SOX18: variants seen among roughly 807,000 people sequenced by gnomAD.
The protein encoded by SOX18 is transcription factor SOX-18.
In SOX18, 2 loss-of-function variants were observed where a neutral mutation model predicts 9.1. That is an observed-to-expected ratio of 0.22 (90% CI 0.09 to 0.69). The LOEUF is 0.69. Among genes scored for constraint, SOX18 ranks in the 30% least tolerant of loss-of-function variants. SOX18 has a pLI of 0.80. For missense variants in SOX18, 542 were observed against 567.3 expected (o/e 0.96, Z 0.45); for synonymous variants, 292 against 280.5 (o/e 1.04, Z -0.41).
In SOX18 at chr20:64,049,346, ACTGCGCTGCGGG is replaced by A. The variant is rs1039501107; in HGVS notation, c.159_170del (p.Gln55_Pro58del). On this transcript the variant is annotated inframe_deletion, in exon 1 of 2. Coordinates refer to ENST00000340356, the MANE Select transcript of SOX18 (RefSeq NM_018419.3). ...GCCCCGGCTCGGGGCTGCGCGGGGG[ACTGCGCTGCGGG>A]CTGGGCGGCGAGGCGGGCGCGGCGG... 5.1e-6 allele frequency: 6 copies of A among 1,184,658 alleles called. No individual in the cohort carries two copies. Among genetic ancestry groups the A allele is most frequent in the Non-Finnish European group, 6.3e-6 (6 of 948,318 alleles). The allele number at this position is 1,184,658 out of a possible 1,614,324, so 73.4% of individuals were successfully genotyped here.
Position 64,048,292 on chromosome 20 carries a change from G to A in SOX18, c.1029C>T (p.Leu343=), listed in dbSNP as rs1478986073. 1 of 1,596,582 alleles carries A rather than the reference G, an allele frequency of 6.3e-7. No homozygotes were observed. The highest frequency in any genetic ancestry group is 8.5e-7 in the Non-Finnish European group (1 of 1,172,726). Residue 343 remains leucine, a synonymous_variant, in exon 2 of 2, where the codon CTC becomes CTT. Transcript: ENST00000340356. ...CSRTRPDAPG[L]PYHVALAKLG... ...GTTTGGCCAGTGCCACGTGGTACGG[G>A]AGCCCGGGGGCGTCGGGCCGAGTCC... is the stretch of plus-strand genomic sequence containing the variant.
In SOX18 at chr20:64,048,318, G is replaced by A. The variant is rs1185671333; in HGVS notation, c.1003C>T (p.Arg335Trp). 1.9e-6 allele frequency: 3 copies of A among 1,592,022 alleles called. No individual in the cohort carries two copies. The Admixed American group carries it at 5.2e-5, about 28-fold the overall frequency. Residue 335 changes from arginine (R) to tryptophan (W), a missense_variant, in exon 2 of 2, where the codon CGG becomes TGG. Arg to Trp is a moderately radical substitution (Grantham distance 101). Transcript: ENST00000340356. ...AGCCCGGGGGCGTCGGGCCGAGTCC[G>A]GCTGCAGTTGAGGTACTGGTCGAAC... ...TEFDQYLNCS[R>W]TRPDAPGLPY... is the part of the protein sequence containing the mutation.
Position 64,048,640 on chromosome 20 carries a change from C to T in SOX18, c.681G>A (p.Glu227=). The change falls in exon 2 of 2, where the codon GAG becomes GAA. Residue 227 remains glutamate (E), a synonymous_variant. Coordinates refer to ENST00000340356, the MANE Select transcript of SOX18 (RefSeq NM_018419.3). The part of the protein sequence containing the change: ...RSPLDGLEPG[E]AAFFPPPAAP... The stretch of plus-strand genomic sequence containing the variant: ...CCGCGGGCGGTGGGAAGAAGGCAGC[C>T]TCGCCGGGCTCCAGGCCGTCCAGAG... 1 of 1,264,928 alleles carries T rather than the reference C, an allele frequency of 7.9e-7. No individual in the cohort carries two copies. The highest frequency in any genetic ancestry group is 9.9e-7 in the Non-Finnish European group (1 of 1,009,248). 78.4% of individuals were successfully genotyped at this position (1,264,928 alleles called of 1,614,324 possible).
Position 64,048,440 on chromosome 20 carries a change from G to A in SOX18, c.881C>T (p.Pro294Leu). ...CTCGGGCGGCGGCGACAGCGGGCCG[G>A]GGTACGGGCCGGGCGTGCCCAGGGT... Reference protein sequence around the residue: ...YGTLGTPGPYPGPLSPPPEAP... With the variant: ...YGTLGTPGPYLGPLSPPPEAP... Residue 294 changes from proline (P) to leucine (L), a missense_variant, in exon 2 of 2, where the codon CCC becomes CTC. Physicochemically the swap from Pro to Leu is moderately conservative, Grantham distance 98. Transcript: ENST00000340356. 3 of 1,389,188 alleles carry A rather than the reference G, an allele frequency of 2.2e-6. No individual in the cohort carries two copies. The highest frequency in any genetic ancestry group is 3.3e-5 in the South Asian group (2 of 60,490). 86.1% of individuals were successfully genotyped at this position (1,389,188 alleles called of 1,614,324 possible). A position where few individuals can be genotyped will look rare whatever the true frequency, so the allele number is the denominator to read the frequency against.
Position 64,048,240 on chromosome 20 carries a change from C to T in SOX18, c.1081G>A (p.Glu361Lys), listed in dbSNP as rs532557642. Residue 361 changes from glutamate to lysine, a missense_variant, in exon 2 of 2, where the codon GAG becomes AAG. Transcript: ENST00000340356. Reference protein sequence around the residue: ...KLGPRAMSCPEESSLISALSD... With the variant: ...KLGPRAMSCPKESSLISALSD... The stretch of plus-strand genomic sequence containing the variant: ...AGCGCGGAGATCAGGCTGCTCTCCT[C>T]TGGGCAGGACATGGCGCGCGGGCCC... 13 of 1,591,556 alleles carry T rather than the reference C, an allele frequency of 8.2e-6. No homozygotes were observed. Among genetic ancestry groups the T allele is most frequent in the African/African-American group, 1.3e-5 (1 of 74,704 alleles).
Position 64,048,572 on chromosome 20 carries a change from G to T in SOX18, c.749C>A (p.Ala250Glu). The change falls in exon 2 of 2, where the codon GCG becomes GAG. Residue 250 changes from alanine (A) to glutamate (E), a missense_variant. Coordinates refer to ENST00000340356, the MANE Select transcript of SOX18 (RefSeq NM_018419.3). The part of the protein sequence containing the change: ...CALRPFRAPY[A>E]PTELSRDPGG... ...GGGGTCCCGCGACAACTCGGTGGGC[G>T]CGTAGGGCGCGCGGAAGGGCCGCAG... 8.1e-7 allele frequency: 1 copy of T among 1,228,412 alleles called. No homozygotes were observed. Among genetic ancestry groups the T allele is most frequent in the Non-Finnish European group, 1.0e-6 (1 of 987,456 alleles). 76.1% of individuals were successfully genotyped at this position (1,228,412 alleles called of 1,614,324 possible).
At chr20:64,049,136 T>C (rs1342074995) in intron 1 of SOX18, 23 bp downstream of exon 1, 1 of 1,135,174 alleles carries the variant, frequency 8.8e-7, no homozygotes, top group Non-Finnish European at 1.1e-6. Flanking sequence ...CTCCCCCTTC[T>C]CTGCCGCCCT....
Position 64,049,118 on chromosome 20 carries a change from C to T in SOX18, c.358+41G>A, listed in dbSNP as rs771603295. ...CCGCCCCACCCCGGCCCGAGCCCCC[C>T]CCGCCCTCTCCCCCTTCTCTGCCGC... On this transcript the variant is annotated intron_variant, in intron 1 of 1. Transcript: ENST00000340356. The T allele has an allele frequency of 9.5e-5, 110 of 1,159,042 alleles. 1 individual carries two copies. The highest frequency in any genetic ancestry group is 2.9e-5 in the Admixed American group (1 of 34,242). The allele number at this position is 1,159,042 out of a possible 1,614,324, so 71.8% of individuals were successfully genotyped here.
At position 64,049,321 on chromosome 20, in the gene SOX18, G is replaced by T. The variant is rs757040201; in HGVS notation, c.196C>A (p.Arg66Ser). The change falls in exon 1 of 2, where the codon CGC becomes AGC. Residue 66 changes from arginine (R) to serine (S), a missense_variant. Transcript: ENST00000340356. ...CGGCCGGCCGGGCTGAGGCCATAGC[G>T]CCCCGGCTCGGGGCTGCGCGGGGGA... ...RSPPRSPEPG[R>S]YGLSPAGRGE... 3.5e-6 allele frequency: 5 copies of T among 1,436,190 alleles called. No individual in the cohort carries two copies. Among genetic ancestry groups the T allele is most frequent in the Non-Finnish European group, 4.6e-6 (5 of 1,081,232 alleles). The allele number at this position is 1,436,190 out of a possible 1,614,324, so 89.0% of individuals were successfully genotyped here. A position where few individuals can be genotyped will look rare whatever the true frequency, so the allele number is the denominator to read the frequency against.
At position 64,048,238 on chromosome 20, in the gene SOX18, C is replaced by T. The variant is rs369743215; in HGVS notation, c.1083G>A (p.Glu361=). 37 of 1,591,308 alleles carry T rather than the reference C, an allele frequency of 2.3e-5. No individual in the cohort carries two copies. The East Asian group carries it at 3.6e-4, about 16-fold the overall frequency. The part of the protein sequence containing the change: ...KLGPRAMSCP[E]ESSLISALSD... ...ACAGCGCGGAGATCAGGCTGCTCTC[C>T]TCTGGGCAGGACATGGCGCGCGGGC... Residue 361 remains glutamate (E), a synonymous_variant, in exon 2 of 2, where the codon GAG becomes GAA. Coordinates refer to ENST00000340356, the MANE Select transcript of SOX18 (RefSeq NM_018419.3).
Position 64,048,148 on chromosome 20 carries a change from C to T in SOX18, c.*18G>A. 1 of 1,536,484 alleles carries T rather than the reference C, an allele frequency of 6.5e-7. No individual in the cohort carries two copies. The highest frequency in any genetic ancestry group is 8.7e-7 in the Non-Finnish European group (1 of 1,146,332). On this transcript the variant is annotated 3_prime_UTR_variant, in exon 2 of 2. Transcript: ENST00000340356. ...CTGCGGGAGGAAGCGCTGCAGGGACCCGGGCGGCGCCGGCGGCCTAGCCGG... is the reference window on the plus strand; with the variant it reads ...CTGCGGGAGGAAGCGCTGCAGGGACTCGGGCGGCGCCGGCGGCCTAGCCGG...
Position 64,048,738 on chromosome 20 carries a change from G to T in SOX18, c.583C>A (p.Arg195Ser). 1 of 1,415,418 alleles carries T rather than the reference G, an allele frequency of 7.1e-7. No individual in the cohort carries two copies. The highest frequency in any genetic ancestry group is 1.5e-5 in the South Asian group (1 of 67,554). 87.7% of individuals were successfully genotyped at this position (1,415,418 alleles called of 1,614,324 possible). A position where few individuals can be genotyped will look rare whatever the true frequency, so the allele number is the denominator to read the frequency against. The change falls in exon 2 of 2, where the codon CGC (arginine) becomes AGC (serine). Residue 195 changes from arginine (R) to serine (S), a missense_variant. Arg to Ser is a moderately radical substitution (Grantham distance 110). Coordinates refer to ENST00000340356, the MANE Select transcript of SOX18 (RefSeq NM_018419.3). The stretch of plus-strand genomic sequence containing the variant: ...AGCGGGGGCAGCTCGCGGAAGGCGC[G>T]AGCCGAGCCAGACGCCGCGGGGAAA... ...EPFPAASGSA[R>S]AFRELPPLGA...
Position 64,048,585 on chromosome 20 carries a change from G to A in SOX18, c.736C>T (p.Arg246Cys). 5 of 1,231,118 alleles carry A rather than the reference G, an allele frequency of 4.1e-6. No individual in the cohort carries two copies. Among genetic ancestry groups the A allele is most frequent in the Non-Finnish European group, 4.0e-6 (4 of 989,068 alleles). 76.3% of individuals were successfully genotyped at this position (1,231,118 alleles called of 1,614,324 possible). ...AACTCGGTGGGCGCGTAGGGCGCGC[G>A]GAAGGGCCGCAGCGCGCAGTCCTCG... is the stretch of plus-strand genomic sequence containing the variant. ...APEDCALRPF[R>C]APYAPTELSR... The change falls in exon 2 of 2, where the codon CGC (arginine) becomes TGC (cysteine). Residue 246 changes from arginine to cysteine, a missense_variant. By Grantham distance (180) the Arg-to-Cys change is radical. Transcript: ENST00000340356.
In SOX18 at chr20:64,048,607, C is replaced by T; in HGVS notation, c.714G>A (p.Glu238=). 4.0e-6 allele frequency: 5 copies of T among 1,251,976 alleles called. No homozygotes were observed. The South Asian group carries it at 1.2e-4, about 31-fold the overall frequency. The allele number at this position is 1,251,976 out of a possible 1,614,324, so 77.6% of individuals were successfully genotyped here. Residue 238 remains glutamate (E), a synonymous_variant, in exon 2 of 2, where the codon GAG becomes GAA. Coordinates refer to ENST00000340356, the MANE Select transcript of SOX18 (RefSeq NM_018419.3). ...CGCGGAAGGGCCGCAGCGCGCAGTC[C>T]TCGGGCGCCGCGGGCGGTGGGAAGA... ...AAFFPPPAAP[E]DCALRPFRAP...
At position 64,049,113 on chromosome 20, in the gene SOX18, C is replaced by A. The variant is rs753171270; in HGVS notation, c.358+46G>T. The A allele has an allele frequency of 1.6e-5, 15 of 918,946 alleles. No homozygotes were observed. The African/African-American group carries it at 2.3e-4, about 14-fold the overall frequency. The allele number at this position is 918,946 out of a possible 1,614,324, so 56.9% of individuals were successfully genotyped here. On this transcript the variant is annotated intron_variant, in intron 1 of 1. Coordinates refer to ENST00000340356, the MANE Select transcript of SOX18 (RefSeq NM_018419.3). ...CCCCCCCGCCCCACCCCGGCCCGAG[C>A]CCCCCCCGCCCTCTCCCCCTTCTCT...
In SOX18 at chr20:64,047,886, C is replaced by CGTATCATTAAAA; in HGVS notation, c.*279_*280insTTTTAATGATAC. ...AAAAATGTAACCCTGGCAACTCTGC[C>CGTATCATTAAAA]AACAGGTCCTGGGCTCGGGCTTCCT... On this transcript the variant is annotated 3_prime_UTR_variant, in exon 2 of 2. Coordinates refer to ENST00000340356, the MANE Select transcript of SOX18 (RefSeq NM_018419.3). 3.4e-5 allele frequency: 18 copies of CGTATCATTAAAA among 531,806 alleles called. No individual in the cohort carries two copies. Among genetic ancestry groups the CGTATCATTAAAA allele is most frequent in the South Asian group, 1.2e-4 (5 of 40,528 alleles). 32.9% of individuals were successfully genotyped at this position (531,806 alleles called of 1,614,324 possible). A position where few individuals can be genotyped will look rare whatever the true frequency, so the allele number is the denominator to read the frequency against.
In SOX18 at chr20:64,048,307, G is replaced by C. The variant is rs757152110; in HGVS notation, c.1014C>G (p.Pro338=). The C allele has an allele frequency of 1.1e-4, 178 of 1,594,008 alleles. 1 individual carries two copies. The East Asian group carries it at 4.0e-3, about 36-fold the overall frequency. ...CGTGGTACGGGAGCCCGGGGGCGTCGGGCCGAGTCCGGCTGCAGTTGAGGT... is the reference window on the plus strand; with the variant it reads ...CGTGGTACGGGAGCCCGGGGGCGTCCGGCCGAGTCCGGCTGCAGTTGAGGT... The part of the protein sequence containing the change: ...DQYLNCSRTR[P]DAPGLPYHVA... The change falls in exon 2 of 2, where the codon CCC becomes CCG. Residue 338 remains proline (P), a synonymous_variant. Transcript: ENST00000340356.
rs2059401156 is a variant in SOX18 at position 64,047,941 on chromosome 20, A to G, written c.*225T>C. On this transcript the variant is annotated 3_prime_UTR_variant, in exon 2 of 2. Coordinates refer to ENST00000340356, the MANE Select transcript of SOX18 (RefSeq NM_018419.3). The stretch of plus-strand genomic sequence containing the variant: ...AAGCCCCGGGACACGTGGGAACTCC[A>G]GGCACCCTCGCAGGGGCCCCCCGAG... The G allele has an allele frequency of 1.7e-6, 1 of 590,076 alleles. No homozygotes were observed. Among genetic ancestry groups the G allele is most frequent in the Non-Finnish European group, 3.0e-6 (1 of 332,616 alleles). 36.6% of individuals were successfully genotyped at this position (590,076 alleles called of 1,614,324 possible).
In SOX18 at chr20:64,048,418, G is replaced by GGGC; in HGVS notation, c.900_902dup (p.Pro301dup). On this transcript the variant is annotated inframe_insertion, in exon 2 of 2. Transcript: ENST00000340356. Reference sequence around the variant, plus strand: ...CGGCGCTCTCCAGCGGCGGGGCCTCGGGCGGCGGCGACAGCGGGCCGGGGT... The same window carrying GGGC: ...CGGCGCTCTCCAGCGGCGGGGCCTCGGGCGGCGGCGGCGACAGCGGGCCGGGGT... 1 of 1,459,842 alleles carries GGGC rather than the reference G, an allele frequency of 6.9e-7. No individual in the cohort carries two copies. The highest frequency in any genetic ancestry group is 9.0e-7 in the Non-Finnish European group (1 of 1,113,142). 90.4% of individuals were successfully genotyped at this position (1,459,842 alleles called of 1,614,324 possible).
Sources: allele counts gnomAD v4.1 joint callset, GRCh38; gene constraint gnomAD v4.1.1; transcripts MANE v1.5; gene names NCBI Gene and HGNC (gene_info 2026-07-23, HGNC 2026-07-21).